Variants in FAM193A observed in about 807,000 individuals in gnomAD.
FAM193A encodes the protein protein FAM193A.
Under a neutral mutation model 126.5 loss-of-function variants are expected in FAM193A, and 22 were observed. That is an observed-to-expected ratio of 0.17 (90% confidence interval 0.12 to 0.25). The LOEUF is 0.25. Among genes scored for constraint, FAM193A ranks in the 10% least tolerant of loss-of-function variants. FAM193A has a pLI of 1.00. For synonymous variants in FAM193A, 761 were observed against 646.8 expected (o/e 1.18, Z -2.68); for missense variants, 1,675 against 1,672.8 (o/e 1.00, Z -0.02).
In FAM193A at chr4:2,732,420, C is replaced by A; in HGVS notation, c.*552C>A. On this transcript the variant is annotated 3_prime_UTR_variant, in exon 21 of 21. Coordinates refer to ENST00000637812, the MANE Select transcript of FAM193A (RefSeq NM_001366318.2). ...CCTTGCAGAACGAGAAAGTTAAAAA[C>A]AAGCCCACCCAGTACTCACACCATC... The A allele has an allele frequency of 6.0e-6, 1 of 165,558 alleles. No homozygotes were observed. Among genetic ancestry groups the A allele is most frequent in the Non-Finnish European group, 1.3e-5 (1 of 75,850 alleles). 10.3% of individuals were successfully genotyped at this position (165,558 alleles called of 1,614,324 possible).
chr4:2,687,787 T>A (rs775400952), intron 13 of FAM193A, among the ~76,000 whole-genome samples: 2 of 152,206 alleles, frequency 1.3e-5, no homozygotes, highest in Non-Finnish European at 2.9e-5. Flanking sequence ...GCTGTTTAAA[T>A]CCCTCTGTGA....
At chr4:2,710,131 TTTA>T (rs1407346202) in intron 19 of FAM193A, among the ~76,000 whole-genome samples, 14 of 151,506 alleles carry the variant, frequency 9.2e-5, no homozygotes, top group Non-Finnish European at 2.1e-4. Context: ...ATCATCTGAG[TTTA>T]TTATTTAGGT....
At chr4:2,542,329 G>C (rs1256858737) in intron 1 of FAM193A, among the ~76,000 whole-genome samples, 1 of 151,874 alleles carries the variant, frequency 6.6e-6, no homozygotes, top group African/African-American at 2.4e-5. Context: ...TAGTAGAGAC[G>C]GGGTTTCACC....
chr4:2,589,903 G>A (rs1177957565), intron 1 of FAM193A, among the ~76,000 whole-genome samples: 1 of 152,090 alleles, frequency 6.6e-6, no homozygotes, highest in Non-Finnish European at 1.5e-5. Context: ...TTGGGAGGCC[G>A]AGGTAGGCAG....
At chr4:2,536,590 G>T (rs903508927), upstream of FAM193A, 1 of 139,166 alleles carries the variant, frequency 7.2e-6, no homozygotes, top group Non-Finnish European at 1.6e-5. Flanking sequence ...GGGGGGTGGG[G>T]GCCCACACCC....
intron 1 of FAM193A, among the ~76,000 whole-genome samples, chr4:2,576,382 G>A (rs1739590498): frequency 6.6e-6 from 1 of 152,208 alleles, no homozygotes; most frequent in South Asian, 2.1e-4. Context: ...ACAGGTGTGA[G>A]CCACTGTGCC....
chr4:2,548,756 C>G (rs1419426571), intron 1 of FAM193A, among the ~76,000 whole-genome samples: 1 of 151,834 alleles, frequency 6.6e-6, no homozygotes, highest in East Asian at 1.9e-4. Flanking sequence ...CGGACCCAAC[C>G]TGTTAACTGG....
chr4:2,590,253 C>T (rs1389179974), intron 1 of FAM193A, among the ~76,000 whole-genome samples: 2 of 151,474 alleles, frequency 1.3e-5, no homozygotes, highest in African/African-American at 2.4e-5. Context: ...GGGCAGATCA[C>T]GAGGTCAGGA....
intron 2 of FAM193A, among the ~76,000 whole-genome samples, chr4:2,599,637 T>C (rs1298805728): frequency 1.3e-5 from 2 of 152,210 alleles, no homozygotes; most frequent in African/African-American, 2.4e-5. Context: ...CATCACGTCC[T>C]AGACATAGTC....
chr4:2,593,077 A>G (rs994971003), intron 1 of FAM193A, among the ~76,000 whole-genome samples: 1 of 149,346 alleles, frequency 6.7e-6, no homozygotes, highest in Non-Finnish European at 1.5e-5. Flanking sequence ...CAACCCTCCT[A>G]TGGCCCATGA....
chr4:2,707,302 T>C (rs1577245497), intron 19 of FAM193A, among the ~76,000 whole-genome samples: 2 of 152,340 alleles, frequency 1.3e-5, no homozygotes, highest in East Asian at 3.9e-4. Flanking sequence ...TTCTCTTAAA[T>C]ATTTTTCACA....
intron 1 of FAM193A, among the ~76,000 whole-genome samples, chr4:2,590,146 A>G (rs527975513): frequency 0.017 from 2,497 of 149,830 alleles, 62 homozygotes; most frequent in African/African-American, 0.05. Context: ...AAAAAAAAAA[A>G]AAAGAAAGAA....
intron 19 of FAM193A, among the ~76,000 whole-genome samples, chr4:2,701,631 C>T (rs1385202362): frequency 2.6e-5 from 4 of 152,138 alleles, no homozygotes; most frequent in South Asian, 2.1e-4. Context: ...ATTTTCACTA[C>T]GGTCAAGTTA....
At chr4:2,603,796 A>C (rs1741365431) in intron 2 of FAM193A, among the ~76,000 whole-genome samples, 1 of 151,844 alleles carries the variant, frequency 6.6e-6, no homozygotes, top group Non-Finnish European at 1.5e-5. Flanking sequence ...TTCACCCGTG[A>C]ATTATTTAGA....
At chr4:2,622,076 G>A (rs1181485165) in intron 2 of FAM193A, among the ~76,000 whole-genome samples, 4 of 151,968 alleles carry the variant, frequency 2.6e-5, no homozygotes, top group Non-Finnish European at 4.4e-5. Context: ...GCAACATGGC[G>A]AAGCCCTGTG....
intron 20 of FAM193A, among the ~76,000 whole-genome samples, chr4:2,716,650 T>C (rs1277855973): frequency 2.0e-5 from 3 of 152,218 alleles, no homozygotes; most frequent in Non-Finnish European, 4.4e-5. Flanking sequence ...TTTTAACTAC[T>C]ATGTGAATTA....
chr4:2,627,108 AC>A (rs1398295263), intron 4 of FAM193A, among the ~76,000 whole-genome samples: 1 of 151,498 alleles, frequency 6.6e-6, no homozygotes, highest in Non-Finnish European at 1.5e-5. Context: ...CAGTAACCAC[AC>A]AGAATTTGAG....
chr4:2,538,283 C>T (rs1737010739), intron 1 of FAM193A, among the ~76,000 whole-genome samples: 1 of 151,664 alleles, frequency 6.6e-6, no homozygotes, highest in Middle Eastern at 3.4e-3. Flanking sequence ...CTCACTGTAA[C>T]CTCCGCCTCC....
At chr4:2,598,377 T>C (rs994979603) in intron 2 of FAM193A, among the ~76,000 whole-genome samples, 4 of 152,266 alleles carry the variant, frequency 2.6e-5, no homozygotes, top group African/African-American at 9.6e-5. Flanking sequence ...ATGTTTGTGT[T>C]GTTCCCACGT....
Sources: gnomAD v4.1 joint callset for allele counts (sites outside exome capture counted in the v4.1 genomes callset) on GRCh38, gnomAD v4.1.1 for gene constraint, MANE v1.5 for transcripts, NCBI Gene and HGNC (gene_info 2026-07-23, HGNC 2026-07-21) for gene names.